CEP43: variants seen among roughly 807,000 people sequenced by gnomAD.
CEP43 encodes centrosomal protein 43.
Under a neutral mutation model 52.6 loss-of-function variants are expected in CEP43, and 36 were observed. The observed-to-expected ratio is 0.68, with a 90% CI of 0.52 to 0.90. The LOEUF is 0.90. Among genes scored for constraint, CEP43 ranks in the 40% least tolerant of loss-of-function variants. The pLI, the probability that CEP43 is intolerant of heterozygous loss-of-function variation, is 0.00. For synonymous variants in CEP43, 192 were observed against 172.4 expected, an observed-to-expected ratio of 1.11 and a Z score of -0.89; for missense variants, 506 against 472.8, an observed-to-expected ratio of 1.07 and a Z score of -0.65.
chr6:167,016,849 G>GGGT (rs138520112), intron 7 of CEP43, among the ~76,000 whole-genome samples: 3,081 of 152,160 alleles, frequency 0.02, 53 homozygotes, highest in East Asian at 0.092. Flanking sequence ...GCAGAGGCAT[G>GGGT]GGTGAAGAGA....
chr6:167,009,902 G>A (rs1779949650), intron 5 of CEP43, among the ~76,000 whole-genome samples: 2 of 152,084 alleles, frequency 1.3e-5, no homozygotes, highest in African/African-American at 4.8e-5. Context: ...GAATCAACAA[G>A]ACTTGGTAAA....
chr6:167,007,796 GT>G (rs1314482032), intron 5 of CEP43, among the ~76,000 whole-genome samples: 1 of 152,132 alleles, frequency 6.6e-6, no homozygotes, highest in Non-Finnish European at 1.5e-5. Context: ...CCTGACTTTT[GT>G]TTGGTTTTAT....
rs554811323 is a variant in CEP43 at position 167,049,898 on chromosome 6, A to T, written c.*9920A>T. ...CCTTATTCTCTCTCTTTTTAGATAT[A>T]GACATTCTGGCAGGTGTGACATTGT... On this transcript the variant is annotated 3_prime_UTR_variant, in exon 13 of 13. Coordinates refer to ENST00000366847, the MANE Select transcript of CEP43 (RefSeq NM_007045.4). 7 of 152,360 alleles carry T rather than the reference A, an allele frequency of 4.6e-5. No homozygotes were observed. The highest frequency in any genetic ancestry group is 3.9e-4 in the Admixed American group (6 of 15,308). 9.4% of individuals were successfully genotyped at this position (152,360 alleles called of 1,614,324 possible).
At position 167,028,303 on chromosome 6, in the gene CEP43, G is replaced by A. The variant is rs112254448; in HGVS notation, c.988+1688G>A. 7.4e-5 allele frequency: 73 copies of A among 985,344 alleles called. No homozygotes were observed. The African/African-American group carries it at 1.1e-3, about 15-fold the overall frequency. 61.0% of individuals were successfully genotyped at this position (985,344 alleles called of 1,614,324 possible). A position where few individuals can be genotyped will look rare whatever the true frequency, so the allele number is the denominator to read the frequency against. On this transcript the variant is annotated intron_variant, in intron 10 of 12. Transcript: ENST00000366847. The stretch of plus-strand genomic sequence containing the variant: ...ATTGTCATCCTCAGGAGGGAATGTC[G>A]TTGCTGGGGCTGCAGAGTTGCTGGG...
intron 10 of CEP43, chr6:167,027,752 G>A (rs1217291120): frequency 2.1e-6 from 1 of 482,472 alleles, no homozygotes; most frequent in African/African-American, 2.1e-5. Flanking sequence ...TTGTTTTAAA[G>A]AGTAAATAGG....
intron 2 of CEP43, among the ~76,000 whole-genome samples, chr6:167,002,721 T>C (rs73026203): frequency 0.019 from 2,874 of 152,324 alleles, 46 homozygotes; most frequent in East Asian, 0.09. Context: ...TCCATACTTA[T>C]TCAAATAAAT....
rs1780527274 is a variant in CEP43 at position 167,033,912 on chromosome 6, G to A, written c.1066G>A (p.Gly356Ser). ...CTCAGAGAAAAGTGAGATAAGTATT[G>A]GTGAAGAGATAGAAGAAGACCTTTC... ...HRSEKSEISI[G>S]EEIEEDLSVE... Residue 356 changes from glycine (G) to serine (S), a missense_variant, in exon 12 of 13, where the codon GGT (glycine) becomes AGT (serine). Coordinates refer to ENST00000366847, the MANE Select transcript of CEP43 (RefSeq NM_007045.4). The A allele has an allele frequency of 6.2e-7, 1 of 1,600,736 alleles. No homozygotes were observed. The highest frequency in any genetic ancestry group is 1.3e-5 in the African/African-American group (1 of 74,538).
intron 10 of CEP43, chr6:167,027,906 G>A (rs73028290): frequency 0.016 from 15,674 of 985,666 alleles, 180 homozygotes; most frequent in East Asian, 0.09. Flanking sequence ...TTCTTGTTCC[G>A]CACAGTGCCC....
chr6:167,015,992 G>T (rs1009516699), intron 7 of CEP43, among the ~76,000 whole-genome samples: 14 of 151,726 alleles, frequency 9.2e-5, no homozygotes, highest in African/African-American at 3.4e-4. Flanking sequence ...AATACTTGCT[G>T]ACTTCCAAAG....
At chr6:167,019,962 A>T (rs566989355) in intron 7 of CEP43, among the ~76,000 whole-genome samples, 1 of 152,202 alleles carries the variant, frequency 6.6e-6, no homozygotes, top group African/African-American at 2.4e-5. Flanking sequence ...TTAGAAGGAG[A>T]GAATCTGTCG....
At position 167,033,445 on chromosome 6, in the gene CEP43, G is replaced by A. The variant is rs76624051; in HGVS notation, c.1029-430G>A. Among the ~76,000 whole-genome samples, 3 of 152,226 alleles carry A rather than the reference G, an allele frequency of 2.0e-5. No homozygotes were observed. The South Asian group carries it at 6.2e-4, about 32-fold the overall frequency. ...TATACACAGAAAGATAATATGTAAT[G>A]TAGAAGTAATATTTGTTGTGGATAT... On this transcript the variant is annotated intron_variant, in intron 11 of 12. Coordinates refer to ENST00000366847, the MANE Select transcript of CEP43 (RefSeq NM_007045.4).
chr6:167,039,980 C>G lies in CEP43; in HGVS notation c.*2C>G. 6.2e-7 allele frequency: 1 copy of G among 1,613,814 alleles called. No individual in the cohort carries two copies. Among genetic ancestry groups the G allele is most frequent in the Non-Finnish European group, 8.5e-7 (1 of 1,179,960 alleles). On this transcript the variant is annotated 3_prime_UTR_variant, in exon 13 of 13. Coordinates refer to ENST00000366847, the MANE Select transcript of CEP43 (RefSeq NM_007045.4). ...GATTATCTGGAAGATGTTGCATAGA[C>G]ACGAAGAAGGAAGTATTCTAATTAA... is the stretch of plus-strand genomic sequence containing the variant.
chr6:167,040,342 A>C lies in CEP43; in HGVS notation c.*364A>C. On this transcript the variant is annotated 3_prime_UTR_variant, in exon 13 of 13. Coordinates refer to ENST00000366847, the MANE Select transcript of CEP43 (RefSeq NM_007045.4). ...ACCCTTTGTGTGTGTGGCTGCTGGT[A>C]CGTGTGATCTTTGAAAACCTTGGCT... is the stretch of plus-strand genomic sequence containing the variant. The C allele has an allele frequency of 1.4e-6, 2 of 1,408,966 alleles. No homozygotes were observed. Among genetic ancestry groups the C allele is most frequent in the Non-Finnish European group, 1.8e-6 (2 of 1,087,186 alleles). 87.3% of individuals were successfully genotyped at this position (1,408,966 alleles called of 1,614,324 possible).
intron 5 of CEP43, among the ~76,000 whole-genome samples, chr6:167,005,249 G>GT (rs1161476978): frequency 6.6e-6 from 1 of 152,168 alleles, no homozygotes; most frequent in Non-Finnish European, 1.5e-5. Flanking sequence ...GTAAGGCATG[G>GT]TAAATAGACT....
intron 10 of CEP43, among the ~76,000 whole-genome samples, chr6:167,032,325 T>C (rs1484214504): frequency 6.6e-6 from 1 of 152,252 alleles, no homozygotes; most frequent in Non-Finnish European, 1.5e-5. Flanking sequence ...TCAAGGGACC[T>C]TATTAATGGT....
chr6:167,042,639 T>G lies in CEP43; in HGVS notation c.*2661T>G, dbSNP rs1198043180. ...AAGGTGTGATATTTGCCCCTCCTTG[T>G]CTGGAATGTCCTTCCCCTAGAACTG... On this transcript the variant is annotated 3_prime_UTR_variant, in exon 13 of 13. Transcript: ENST00000366847. The G allele has an allele frequency of 6.6e-6, 1 of 152,512 alleles. No homozygotes were observed. The highest frequency in any genetic ancestry group is 2.4e-5 in the African/African-American group (1 of 41,452). The allele number at this position is 152,512 out of a possible 1,614,324, so 9.4% of individuals were successfully genotyped here. A position where few individuals can be genotyped will look rare whatever the true frequency, so the allele number is the denominator to read the frequency against.
rs753793302 is a variant in CEP43, at chr6:167,022,536, A to T, written c.707A>T (p.Asp236Val). The change falls in exon 8 of 13, where the codon GAT becomes GTT. Residue 236 changes from aspartate to valine, a missense_variant. Transcript: ENST00000366847. ...IGSFLSNRTL[D>V]GKDKAGLCPD... ...TCTTTTCTAAGCAACAGAACTTTAG[A>T]TGGCAAAGACAAAGCTGGCCTTTGT... The T allele has an allele frequency of 6.2e-7, 1 of 1,614,108 alleles. No individual in the cohort carries two copies. Among genetic ancestry groups the T allele is most frequent in the African/African-American group, 1.3e-5 (1 of 75,046 alleles).
intron 7 of CEP43, among the ~76,000 whole-genome samples, chr6:167,021,248 A>G (rs1008928802): frequency 4.6e-5 from 7 of 152,150 alleles, no homozygotes; most frequent in South Asian, 4.1e-4. Context: ...AAAGCCCACA[A>G]ATTCATTATA....
chr6:167,001,164 C>T (rs911768785), intron 2 of CEP43, among the ~76,000 whole-genome samples: 2 of 152,216 alleles, frequency 1.3e-5, no homozygotes, highest in African/African-American at 2.4e-5. Flanking sequence ...ATCTATTGCT[C>T]ACCTGTGAAA....
Sources: allele counts gnomAD v4.1 joint callset (sites outside exome capture counted in the v4.1 genomes callset), GRCh38; gene constraint gnomAD v4.1.1; transcripts MANE v1.5; gene names NCBI Gene and HGNC (gene_info 2026-07-23, HGNC 2026-07-21).